The following KCNIP1 variants were observed in gnomAD, a reference collection of about 807,000 sequenced individuals.
KCNIP1 encodes the protein A-type potassium channel modulatory protein KCNIP1.
Under a neutral mutation model 33.0 loss-of-function variants are expected in KCNIP1, and 18 were observed. The observed-to-expected ratio is 0.55, with a 90% CI of 0.38 to 0.81. The LOEUF (loss-of-function observed/expected upper bound fraction) is 0.81, where lower values mean the gene tolerates loss of function less well. Ranked by LOEUF, KCNIP1 falls within the 30% of genes least tolerant of loss-of-function variation. The pLI is 0.00. For synonymous variants in KCNIP1, 93 were observed against 98.3 expected (o/e 0.95, Z 0.32); for missense variants, 238 against 271.6 (o/e 0.88, Z 0.87).
chr5:170,710,715 A>C (rs977538412), intron 1 of KCNIP1, among the ~76,000 whole-genome samples: 1 of 152,178 alleles, frequency 6.6e-6, no homozygotes, highest in Non-Finnish European at 1.5e-5. Context: ...AGTTGTTCTC[A>C]AGGGATTCCA....
intron 1 of KCNIP1, among the ~76,000 whole-genome samples, chr5:170,398,460 A>C (rs958970983): frequency 6.6e-6 from 1 of 152,210 alleles, no homozygotes; most frequent in African/African-American, 2.4e-5. Flanking sequence ...ACACATAATC[A>C]CCAATTCTTA....
intron 2 of KCNIP1, among the ~76,000 whole-genome samples, chr5:170,719,171 A>G (rs1561782441): frequency 1.3e-5 from 2 of 152,104 alleles, no homozygotes; most frequent in Non-Finnish European, 2.9e-5. Flanking sequence ...AGCCCTTAAC[A>G]TAATCATACC....
intron 1 of KCNIP1, chr5:170,385,526 CAGAA>C (rs1420932646): frequency 6.5e-7 from 1 of 1,531,954 alleles, no homozygotes; most frequent in Non-Finnish European, 9.0e-7. Flanking sequence ...AGGTGATCCA[CAGAA>C]AGAGAGGACA....
chr5:170,443,796 C>T (rs1317877048), intron 1 of KCNIP1, among the ~76,000 whole-genome samples: 2 of 152,158 alleles, frequency 1.3e-5, no homozygotes, highest in Admixed American at 1.3e-4. Context: ...CTTGCAGGAG[C>T]CATGGAGGGG....
intron 1 of KCNIP1, among the ~76,000 whole-genome samples, chr5:170,597,803 A>ATATATATATATG (rs1758508708): frequency 4.5e-4 from 1 of 2,210 alleles, no homozygotes; most frequent in African/African-American, 6.5e-4. Flanking sequence ...ATATATATAT[A>ATATATATATATG]TATATATATA....
rs142852333 is a variant in KCNIP1, at chr5:170,539,467, G to T, written c.61+34834G>T. Among the ~76,000 whole-genome samples the T allele has an allele frequency of 5.3e-5, 8 of 152,174 alleles. No individual in the cohort carries two copies. The East Asian group carries it at 1.5e-3, about 29-fold the overall frequency. Reference sequence around the variant, plus strand: ...CTTTCAACCCCCAGACCTGCCCGTGGGTTGCAATTTTTGGGCATCCGGATC... The same window carrying T: ...CTTTCAACCCCCAGACCTGCCCGTGTGTTGCAATTTTTGGGCATCCGGATC... On this transcript the variant is annotated intron_variant, in intron 1 of 7. Coordinates refer to ENST00000328939, the MANE Select transcript of KCNIP1 (RefSeq NM_014592.4).
chr5:170,551,900 G>C (rs184185572), intron 1 of KCNIP1, among the ~76,000 whole-genome samples: 60 of 151,138 alleles, frequency 4.0e-4, no homozygotes, highest in Non-Finnish European at 1.8e-4. Context: ...GTACGAGTGT[G>C]TGAGTGTGTG....
chr5:170,550,202 C>T (rs771048426), intron 1 of KCNIP1, among the ~76,000 whole-genome samples: 7 of 152,092 alleles, frequency 4.6e-5, no homozygotes, highest in Non-Finnish European at 8.8e-5. Context: ...ATTGACATAA[C>T]TGTACCCCTC....
chr5:170,453,085 T>C (rs1052682412), intron 1 of KCNIP1, among the ~76,000 whole-genome samples: 10 of 152,228 alleles, frequency 6.6e-5, no homozygotes, highest in African/African-American at 2.4e-4. Flanking sequence ...GTCAACATTT[T>C]TGCTGGTCTC....
At chr5:170,692,411 G>A (rs773622814) in intron 1 of KCNIP1, among the ~76,000 whole-genome samples, 4 of 152,262 alleles carry the variant, frequency 2.6e-5, no homozygotes, top group Non-Finnish European at 2.9e-5. Flanking sequence ...AAGCAGCTCC[G>A]GAAATAATAG....
chr5:170,402,688 G>T (rs780899756), intron 1 of KCNIP1, among the ~76,000 whole-genome samples: 1 of 152,188 alleles, frequency 6.6e-6, no homozygotes, highest in Non-Finnish European at 1.5e-5. Flanking sequence ...CATGTGGTCT[G>T]CCCAGCTGCA....
At chr5:170,525,758 A>G (rs1436111188) in intron 1 of KCNIP1, among the ~76,000 whole-genome samples, 1 of 152,240 alleles carries the variant, frequency 6.6e-6, no homozygotes, top group African/African-American at 2.4e-5. Flanking sequence ...GGGCAGAGCC[A>G]TGTGATGCTG....
chr5:170,664,895 G>A (rs533038202), intron 1 of KCNIP1, among the ~76,000 whole-genome samples: 3 of 152,300 alleles, frequency 2.0e-5, no homozygotes, highest in Admixed American at 1.3e-4. Context: ...CGAGCACTCA[G>A]TAGGTCCATG....
At chr5:170,521,889 C>G (rs925138933) in intron 1 of KCNIP1, among the ~76,000 whole-genome samples, 1 of 152,198 alleles carries the variant, frequency 6.6e-6, no homozygotes, top group Admixed American at 6.5e-5. Context: ...TAGCCTTCTT[C>G]CATGTAGTCA....
chr5:170,730,884 G>T (rs1764171044), intron 5 of KCNIP1, among the ~76,000 whole-genome samples: 1 of 150,216 alleles, frequency 6.7e-6, no homozygotes, highest in Non-Finnish European at 1.5e-5. Context: ...GTTCCCAATA[G>T]TCAGAATGAA....
intron 1 of KCNIP1, among the ~76,000 whole-genome samples, chr5:170,392,634 C>A (rs777376093): frequency 1.3e-5 from 2 of 152,144 alleles, no homozygotes; most frequent in Non-Finnish European, 2.9e-5. Flanking sequence ...ACCAGCCTGG[C>A]CAACATGGCG....
At chr5:170,706,178 A>C (rs546176726) in intron 1 of KCNIP1, among the ~76,000 whole-genome samples, 1 of 152,238 alleles carries the variant, frequency 6.6e-6, no homozygotes, top group Non-Finnish European at 1.5e-5. Context: ...TATCAAGCAC[A>C]GAAATGTATG....
At chr5:170,722,130 G>A (rs1028529799) in intron 4 of KCNIP1, among the ~76,000 whole-genome samples, 20 of 152,194 alleles carry the variant, frequency 1.3e-4, no homozygotes, top group Admixed American at 1.2e-3. Context: ...CAGTGTATGA[G>A]CTTCCGGGCA....
chr5:170,398,062 T>C (rs1273132009), intron 1 of KCNIP1, among the ~76,000 whole-genome samples: 1 of 152,198 alleles, frequency 6.6e-6, no homozygotes, highest in Non-Finnish European at 1.5e-5. Context: ...AGATTGTAGA[T>C]GTTTCTTATC....
Sources: gnomAD v4.1 joint callset for allele counts (sites outside exome capture counted in the v4.1 genomes callset) on GRCh38, gnomAD v4.1.1 for gene constraint, MANE v1.5 for transcripts, NCBI Gene and HGNC (gene_info 2026-07-23, HGNC 2026-07-21) for gene names.